Variants in ELF1 observed in about 807,000 individuals in gnomAD.
The protein encoded by ELF1 is E74 like ETS transcription factor 1, also known as ETS-related transcription factor Elf-1.
In ELF1, 24 loss-of-function variants were observed where a neutral mutation model predicts 59.9. The observed-to-expected ratio is 0.40, with a 90% confidence interval of 0.29 to 0.56. The LOEUF is 0.56. Ranked by LOEUF, ELF1 falls within the 20% of genes least tolerant of loss-of-function variation. The probability of loss-of-function intolerance (pLI) is 0.44; values close to 1 mark genes in which losing one functional copy is unlikely to be tolerated. For missense variants in ELF1, 627 were observed against 742.2 expected, an observed-to-expected ratio of 0.84 and a Z score of 1.80; for synonymous variants, 248 against 266.2, an observed-to-expected ratio of 0.93 and a Z score of 0.67.
chr13:41,054,934 CCTT>C lies in ELF1; in HGVS notation c.-229+5901_-229+5903del, dbSNP rs755475627. On this transcript the variant is annotated intron_variant, in intron 1 of 1. Transcript: ENST00000405737. ...CAAATCCAAGAGGCTTCCAAAATCT[CCTT>C]GTCAAGGGGCTTCGTAAAATAAACT... Among the ~76,000 whole-genome samples the C allele has an allele frequency of 1.8e-4, 27 of 152,362 alleles. No individual in the cohort carries two copies. In the East Asian group the frequency reaches 3.9e-3, roughly 22 times the overall value.
upstream of ELF1, among the ~76,000 whole-genome samples, chr13:41,023,879 G>A (rs1213315068): frequency 6.6e-6 from 1 of 152,198 alleles, no homozygotes; most frequent in African/African-American, 2.4e-5. Flanking sequence ...ACTGCTCACT[G>A]AGGGGAAAAA....
intron 3 of ELF1, among the ~76,000 whole-genome samples, chr13:40,956,368 A>C (rs2138187211): frequency 6.6e-6 from 1 of 152,202 alleles, no homozygotes. Flanking sequence ...AGATATTTGA[A>C]GGCAGCATGC....
intron 3 of ELF1, among the ~76,000 whole-genome samples, chr13:40,953,203 C>T (rs1245740950): frequency 2.6e-5 from 4 of 151,740 alleles, no homozygotes; most frequent in Non-Finnish European, 4.4e-5. Context: ...CTTGAACTCC[C>T]GACCTCAGGT....
intron 3 of ELF1, among the ~76,000 whole-genome samples, chr13:40,957,578 T>C (rs1342645752): frequency 6.6e-6 from 1 of 151,882 alleles, no homozygotes; most frequent in African/African-American, 2.4e-5. Flanking sequence ...TTCCTCCTGC[T>C]CCAGCCATGT....
rs9562260 is a variant in ELF1, at chr13:40,979,768, G to A, written c.72+2215C>T. ...GTATATATGTATGTTCATTTGTTCA[G>A]ACATTTTTCTAAAAAAATTACACAC... On this transcript the variant is annotated intron_variant, in intron 2 of 8. Coordinates refer to ENST00000239882, the MANE Select transcript of ELF1 (RefSeq NM_172373.4). Among the ~76,000 whole-genome samples the A allele has an allele frequency of 0.021, 3,150 of 152,210 alleles. 162 individuals carry two copies. In the East Asian group the frequency reaches 0.22, roughly 10 times the overall value.
intron 2 of ELF1, among the ~76,000 whole-genome samples, chr13:40,975,364 G>A (rs1872839396): frequency 1.3e-5 from 2 of 152,064 alleles, no homozygotes; most frequent in African/African-American, 4.8e-5. Context: ...AGTTCTATAT[G>A]AATGTTAGTT....
chr13:40,941,817 G>A (rs764386639), intron 7 of ELF1, among the ~76,000 whole-genome samples: 7 of 151,906 alleles, frequency 4.6e-5, no homozygotes, highest in African/African-American at 9.7e-5. Flanking sequence ...GCTACCACAC[G>A]TGGCTAATTT....
chr13:40,971,395 C>A (rs1872541817), intron 2 of ELF1, among the ~76,000 whole-genome samples: 1 of 152,028 alleles, frequency 6.6e-6, no homozygotes, highest in South Asian at 2.1e-4. Flanking sequence ...GTAGATGGGA[C>A]CACAGGCAGG....
intron 8 of ELF1, among the ~76,000 whole-genome samples, chr13:40,935,232 T>C (rs1869685959): frequency 6.6e-6 from 1 of 152,208 alleles, no homozygotes; most frequent in Non-Finnish European, 1.5e-5. Flanking sequence ...ATAAAACAAA[T>C]GGTGTTGAAA....
chr13:40,962,346 G>C (rs1871879275), intron 2 of ELF1, among the ~76,000 whole-genome samples: 1 of 151,990 alleles, frequency 6.6e-6, no homozygotes, highest in African/African-American at 2.4e-5. Context: ...TGAAGCAAAA[G>C]GTTTATTAAG....
chr13:41,004,606 C>G (rs892999672), intron 1 of ELF1, among the ~76,000 whole-genome samples: 1 of 152,056 alleles, frequency 6.6e-6, no homozygotes, highest in East Asian at 1.9e-4. Context: ...TAAGAATTTA[C>G]TTGGTAAACT....
intron 2 of ELF1, among the ~76,000 whole-genome samples, chr13:40,976,372 C>G (rs780583008): frequency 7.9e-5 from 12 of 152,208 alleles, no homozygotes; most frequent in Non-Finnish European, 1.6e-4. Context: ...AGATCCAGTT[C>G]AACTTCCATG....
chr13:40,991,148 AT>A (rs1873832992), intron 1 of ELF1, among the ~76,000 whole-genome samples: 1 of 152,236 alleles, frequency 6.6e-6, no homozygotes, highest in Non-Finnish European at 1.5e-5. Context: ...CAAAACTGTC[AT>A]CAAAAACAAG....
chr13:40,963,268 T>TA (rs756007125), intron 2 of ELF1, among the ~76,000 whole-genome samples: 2 of 152,216 alleles, frequency 1.3e-5, no homozygotes, highest in Non-Finnish European at 2.9e-5. Context: ...CTGGCATACT[T>TA]ACTTGGCTCT....
chr13:40,947,248 AT>A (rs1478313665), intron 5 of ELF1, among the ~76,000 whole-genome samples: 2 of 152,070 alleles, frequency 1.3e-5, no homozygotes, highest in Admixed American at 6.5e-5. Context: ...TTTAAGAAAA[AT>A]TTGTACATAA....
chr13:40,954,421 C>CTCTCCCTCTCCCTCCTCTCCG (rs879738710), intron 3 of ELF1, among the ~76,000 whole-genome samples: 851 of 43,086 alleles, frequency 0.02, 9 homozygotes, highest in Non-Finnish European at 0.056. Context: ...AAGTGTGTAG[C>CTCTCCCTCTCCCTCCTCTCCG]TCTCCCTCTC....
At chr13:41,016,565 A>G (rs1172449096) in intron 1 of ELF1, among the ~76,000 whole-genome samples, 1 of 152,142 alleles carries the variant, frequency 6.6e-6, no homozygotes, top group Non-Finnish European at 1.5e-5. Context: ...TTTTACACAT[A>G]CACATATTTT....
intron 1 of ELF1, among the ~76,000 whole-genome samples, chr13:41,025,187 C>A (rs1036925187): frequency 6.6e-6 from 1 of 152,190 alleles, no homozygotes; most frequent in African/African-American, 2.4e-5. Context: ...GACAGCTGTA[C>A]GGAAATTTCC....
intron 4 of ELF1, among the ~76,000 whole-genome samples, chr13:40,950,537 C>A (rs9532680): frequency 0.035 from 5,392 of 152,136 alleles, 152 homozygotes; most frequent in Non-Finnish European, 0.058. Context: ...AACTCCATTC[C>A]CTCCAGCTTG....
Sources: gnomAD v4.1 joint callset for allele counts (sites outside exome capture counted in the v4.1 genomes callset) on GRCh38, gnomAD v4.1.1 for gene constraint, MANE v1.5 for transcripts, NCBI Gene and HGNC (gene_info 2026-07-23, HGNC 2026-07-21) for gene names.